The following NRXN1 variants were observed in gnomAD, a reference collection of about 807,000 sequenced individuals.
NRXN1 encodes the protein neurexin 1.
Under a neutral mutation model 150.9 loss-of-function variants are expected in NRXN1, and 39 were observed. That is an observed-to-expected ratio of 0.26 (90% CI 0.20 to 0.34). NRXN1 has a LOEUF of 0.34. Ranked by LOEUF, NRXN1 falls within the 10% of genes least tolerant of loss-of-function variation. NRXN1 has a pLI of 1.00. For synonymous variants in NRXN1, 924 were observed against 757.0 expected (o/e 1.22, Z -3.62); for missense variants, 1,815 against 1,949.9 (o/e 0.93, Z 1.30).
Position 50,236,925 on chromosome 2 carries a change from T to A in NRXN1, c.3410A>T (p.Tyr1137Phe), listed in dbSNP as rs2065493313. Reference sequence around the variant, plus strand: ...GGGTCGGTCATTAGGAGGCCACTTATACGTGATTTGTCCACCACCTTTGCT... The same window carrying A: ...GGGTCGGTCATTAGGAGGCCACTTAAACGTGATTTGTCCACCACCTTTGCT... ...IFSKGGGQITYKWPPNDRPST... is the reference protein window; with the variant it reads ...IFSKGGGQITFKWPPNDRPST... Residue 1137 changes from tyrosine (Y) to phenylalanine (F), a missense_variant, in exon 18 of 23, where the codon TAT (tyrosine) becomes TTT (phenylalanine). Physicochemically the swap from Tyr to Phe is conservative, Grantham distance 22. Coordinates refer to ENST00000401669, the MANE Select transcript of NRXN1 (RefSeq NM_001330078.2). The A allele has an allele frequency of 6.2e-7, 1 of 1,613,408 alleles. No homozygotes were observed. The highest frequency in any genetic ancestry group is 2.2e-5 in the East Asian group (1 of 44,768).
At chr2:49,938,629 T>C (rs1337389566) in intron 22 of NRXN1, among the ~76,000 whole-genome samples, 3 of 152,200 alleles carry the variant, frequency 2.0e-5, no homozygotes, top group Admixed American at 2.0e-4. Flanking sequence ...CCATTAGCTA[T>C]CCATCCCCTA....
chr2:50,126,506 T>C (rs905845749), intron 18 of NRXN1, among the ~76,000 whole-genome samples: 1 of 150,526 alleles, frequency 6.6e-6, no homozygotes, highest in African/African-American at 2.4e-5. Flanking sequence ...CAAAAAAAAA[T>C]TTAAAAAAGC....
intron 18 of NRXN1, among the ~76,000 whole-genome samples, chr2:50,187,836 T>G (rs539060032): frequency 6.6e-6 from 1 of 152,158 alleles, no homozygotes; most frequent in South Asian, 2.1e-4. Context: ...TTTATTCTCT[T>G]TGTGGCAATT....
chr2:50,758,025 T>G (rs1298314865), intron 5 of NRXN1: 2 of 151,794 alleles, frequency 1.3e-5, no homozygotes, highest in African/African-American at 4.8e-5. Flanking sequence ...ATATATGTAA[T>G]TTAGAATGGA....
chr2:50,878,440 T>C (rs1678934476), intron 5 of NRXN1, among the ~76,000 whole-genome samples: 1 of 151,956 alleles, frequency 6.6e-6, no homozygotes, highest in Non-Finnish European at 1.5e-5. Context: ...CTCCTCCACC[T>C]ACACCCTACA....
intron 5 of NRXN1, among the ~76,000 whole-genome samples, chr2:50,795,349 T>C (rs1230260522): frequency 6.6e-6 from 1 of 152,122 alleles, no homozygotes; most frequent in Admixed American, 6.6e-5. Flanking sequence ...CAGTAATCTG[T>C]ATGTGCTCTT....
chr2:50,281,667 G>T (rs1001057580), intron 17 of NRXN1, among the ~76,000 whole-genome samples: 1 of 152,078 alleles, frequency 6.6e-6, no homozygotes, highest in Admixed American at 6.6e-5. Flanking sequence ...AGAGCTCAAA[G>T]ATGATAAACT....
At chr2:50,693,611 G>C (rs1413069240) in intron 5 of NRXN1, among the ~76,000 whole-genome samples, 1 of 152,088 alleles carries the variant, frequency 6.6e-6, no homozygotes, top group Non-Finnish European at 1.5e-5. Flanking sequence ...TGATATTTCT[G>C]CATTAAAATG....
intron 8 of NRXN1, among the ~76,000 whole-genome samples, chr2:50,566,013 A>G (rs1051822115): frequency 4.6e-5 from 7 of 152,166 alleles, no homozygotes; most frequent in Non-Finnish European, 1.0e-4. Context: ...TGCTGTATTC[A>G]GAAATGGGGA....
At chr2:50,448,809 C>T (rs1201087538) in intron 17 of NRXN1, among the ~76,000 whole-genome samples, 1 of 152,088 alleles carries the variant, frequency 6.6e-6, no homozygotes, top group Admixed American at 6.6e-5. Context: ...CACCTGCCGA[C>T]TCACTGAACA....
chr2:50,969,859 G>A (rs1179907039), intron 2 of NRXN1, among the ~76,000 whole-genome samples: 2 of 152,240 alleles, frequency 1.3e-5, no homozygotes, highest in South Asian at 2.1e-4. Context: ...GTATATATGG[G>A]AGCCTTCGGA....
intron 5 of NRXN1, among the ~76,000 whole-genome samples, chr2:50,648,505 T>A (rs560280195): frequency 6.6e-6 from 1 of 152,136 alleles, no homozygotes; most frequent in African/African-American, 2.4e-5. Context: ...GTCTTCTGCA[T>A]GACCCTGTAT....
intron 17 of NRXN1, among the ~76,000 whole-genome samples, chr2:50,320,283 C>CTTATACATATATATATATAT (rs1178411507): frequency 9.3e-5 from 4 of 43,054 alleles, no homozygotes; most frequent in African/African-American, 1.2e-4. Flanking sequence ...ATACCTCAAT[C>CTTATACATATATATATATAT]ATATATATAT....
chr2:49,922,896 A>G (rs977609026), intron 22 of NRXN1, among the ~76,000 whole-genome samples: 2 of 152,320 alleles, frequency 1.3e-5, no homozygotes, highest in East Asian at 3.9e-4. Context: ...TTGATTGGGG[A>G]GCTCCCAAGA....
intron 17 of NRXN1, among the ~76,000 whole-genome samples, chr2:50,414,678 T>C (rs2083416200): frequency 6.6e-6 from 1 of 152,036 alleles, no homozygotes; most frequent in Non-Finnish European, 1.5e-5. Flanking sequence ...CGGAAAATTA[T>C]TAAATGATAA....
At chr2:50,238,025 G>A (rs1221722606) in intron 17 of NRXN1, among the ~76,000 whole-genome samples, 2 of 152,000 alleles carry the variant, frequency 1.3e-5, no homozygotes, top group Admixed American at 6.6e-5. Flanking sequence ...CTTCTACCAT[G>A]ACTGTAAGTT....
intron 5 of NRXN1, among the ~76,000 whole-genome samples, chr2:50,734,022 T>C (rs1370759781): frequency 6.6e-6 from 1 of 152,156 alleles, no homozygotes; most frequent in African/African-American, 2.4e-5. Context: ...CCAGAAGGTC[T>C]AAACCAGGGG....
intron 5 of NRXN1, among the ~76,000 whole-genome samples, chr2:50,832,421 G>A (rs955470040): frequency 2.0e-5 from 3 of 152,148 alleles, no homozygotes; most frequent in African/African-American, 7.2e-5. Context: ...GGAGTCCACG[G>A]TGGGCCGATC....
At chr2:50,887,512 T>C (rs1680431736) in intron 5 of NRXN1, among the ~76,000 whole-genome samples, 2 of 151,374 alleles carry the variant, frequency 1.3e-5, no homozygotes, top group Admixed American at 1.3e-4. Context: ...GCAAGAAGCT[T>C]TGAGAAAATG....
Sources: gnomAD v4.1 joint callset for allele counts (sites outside exome capture counted in the v4.1 genomes callset) on GRCh38, gnomAD v4.1.1 for gene constraint, MANE v1.5 for transcripts, NCBI Gene and HGNC (gene_info 2026-07-23, HGNC 2026-07-21) for gene names.